SRCIN1: variants seen among roughly 807,000 people sequenced by gnomAD.
SRCIN1 encodes P130Cas-associated protein.
In SRCIN1, 50 loss-of-function variants were observed where a neutral mutation model predicts 116.2. The observed-to-expected ratio is 0.43, with a 90% confidence interval of 0.34 to 0.54. SRCIN1 has a LOEUF of 0.54. SRCIN1 is among the 20% of genes least tolerant of loss of function. The pLI is 0.02. For synonymous variants in SRCIN1, 736 were observed against 750.0 expected (o/e 0.98, Z 0.30); for missense variants, 1,446 against 1,672.0 (o/e 0.86, Z 2.36).
At chr17:38,583,196 A>G (rs897294122) in intron 1 of SRCIN1, among the ~76,000 whole-genome samples, 2 of 152,140 alleles carry the variant, frequency 1.3e-5, no homozygotes, top group Non-Finnish European at 2.9e-5. Context: ...TCTCTTGAGT[A>G]GCTGGGACCA....
Position 38,590,986 on chromosome 17 carries a change from G to C in SRCIN1, c.23-12195C>G, listed in dbSNP as rs1424466760. On this transcript the variant is annotated intron_variant, in intron 1 of 18. Coordinates refer to ENST00000617146, the MANE Select transcript of SRCIN1 (RefSeq NM_025248.3). ...CCTATTCCCCAGGGCTGGAGGAGAG[G>C]GAGGAAGCAGAGCCACCCCCAGATC... Among the ~76,000 whole-genome samples, 3 of 152,334 alleles carry C rather than the reference G, an allele frequency of 2.0e-5. No homozygotes were observed. In the East Asian group the frequency reaches 5.8e-4, roughly 29 times the overall value.
In SRCIN1 at chr17:38,568,099, A is replaced by C; in HGVS notation, c.345+112T>G. ...CCCGAGGCCCACCGCCCATACCAGA[A>C]GGTGTCCGTGCAGATGCGCACCCCG... is the stretch of plus-strand genomic sequence containing the variant. On this transcript the variant is annotated intron_variant, in intron 3 of 18. Coordinates refer to ENST00000617146, the MANE Select transcript of SRCIN1 (RefSeq NM_025248.3). The surrounding 1 kb of genome is among the most constrained non-coding windows in gnomAD (Gnocchi z 4.5). The C allele has an allele frequency of 7.6e-7, 1 of 1,321,922 alleles. No individual in the cohort carries two copies. 81.9% of individuals were successfully genotyped at this position (1,321,922 alleles called of 1,614,324 possible). A position where few individuals can be genotyped will look rare whatever the true frequency, so the allele number is the denominator to read the frequency against.
chr17:38,555,120 C>A (rs1214729282), intron 11 of SRCIN1, among the ~76,000 whole-genome samples: 1 of 152,228 alleles, frequency 6.6e-6, no homozygotes, highest in Non-Finnish European at 1.5e-5. Flanking sequence ...CTTTAATTAA[C>A]CCTCAAAACA....
At chr17:38,539,672 G>C (rs990793024) in intron 18 of SRCIN1, among the ~76,000 whole-genome samples, 7 of 152,124 alleles carry the variant, frequency 4.6e-5, no homozygotes, top group African/African-American at 1.7e-4. Flanking sequence ...GCTCTGAGAT[G>C]TCCATGGGTA....
intron 3 of SRCIN1, among the ~76,000 whole-genome samples, chr17:38,566,866 T>TTTCCTTCCTTCCTTCCTTCC (rs71138633): frequency 0.038 from 5,056 of 131,934 alleles, 131 homozygotes; most frequent in Admixed American, 0.044. Flanking sequence ...TTTTGTTTCG[T>TTTCCTTCCTTCCTTCCTTCC]TTCCTTCCTT....
intron 18 of SRCIN1, among the ~76,000 whole-genome samples, chr17:38,536,714 C>T (rs1904403115): frequency 6.6e-6 from 1 of 152,248 alleles, no homozygotes; most frequent in African/African-American, 2.4e-5. Flanking sequence ...GGTATTGAAC[C>T]ATCAGGAGAA....
rs1046788821 is a variant in SRCIN1, at chr17:38,604,143, G to A, written c.22+1541C>T. Among the ~76,000 whole-genome samples, 1 of 152,134 alleles carries A rather than the reference G, an allele frequency of 6.6e-6. No individual in the cohort carries two copies. Among genetic ancestry groups the A allele is most frequent in the Admixed American group, 6.5e-5 (1 of 15,272 alleles). Reference sequence around the variant, plus strand: ...TTAGACAGCAAAGCAGTTGGCTCAAGGTCACCCAGACCAAGATACCAAGAG... The same window carrying A: ...TTAGACAGCAAAGCAGTTGGCTCAAAGTCACCCAGACCAAGATACCAAGAG... On this transcript the variant is annotated intron_variant, in intron 1 of 18. Transcript: ENST00000617146. This position sits in a 1 kb window ranked among gnomAD's most constrained non-coding sequence, Gnocchi z 4.3.
In SRCIN1 at chr17:38,562,233, G is replaced by C. The variant is rs1173367039; in HGVS notation, c.930C>G (p.Pro310=). The change falls in exon 7 of 19, where the codon CCC becomes CCG. Residue 310 remains proline, a synonymous_variant. Transcript: ENST00000617146. This position sits in a 1 kb window ranked among gnomAD's most constrained non-coding sequence, Gnocchi z 4.2. ...APHLASGSPP[P]GLPSGLPSGL... Reference sequence around the variant, plus strand: ...CGGACGGCAGCCCCGACGGCAGCCCGGGCGGCGGCGAGCCGGATGCCAGGT... The same window carrying C: ...CGGACGGCAGCCCCGACGGCAGCCCCGGCGGCGGCGAGCCGGATGCCAGGT... The C allele has an allele frequency of 2.8e-6, 4 of 1,451,234 alleles. No homozygotes were observed. Among genetic ancestry groups the C allele is most frequent in the East Asian group, 6.0e-5 (2 of 33,402 alleles). The allele number at this position is 1,451,234 out of a possible 1,614,324, so 89.9% of individuals were successfully genotyped here.
In SRCIN1 at chr17:38,548,605, C is replaced by T. The variant is rs750843408; in HGVS notation, c.3222G>A (p.Ser1074=). 1.2e-5 allele frequency: 19 copies of T among 1,612,958 alleles called. No homozygotes were observed. The highest frequency in any genetic ancestry group is 3.3e-5 in the South Asian group (3 of 91,086). ...CCTCGTCATCCTCGTCCTTGATGGC[C>T]GAGGCCATGATGGGTGGTGTGGAGG... ...RPASTPPIMA[S]AIKDEDDEDR... Residue 1074 remains serine, a synonymous_variant, in exon 17 of 19, where the codon TCG becomes TCA. Coordinates refer to ENST00000617146, the MANE Select transcript of SRCIN1 (RefSeq NM_025248.3).
chr17:38,559,549 G>A lies in SRCIN1; in HGVS notation c.2025+36C>T, dbSNP rs1271507923. The A allele has an allele frequency of 2.5e-6, 4 of 1,584,608 alleles. No homozygotes were observed. In the East Asian group the frequency reaches 6.7e-5, roughly 27 times the overall value. The stretch of plus-strand genomic sequence containing the variant: ...GGCAAGGGACTTCTACCAGTAGGTG[G>A]GCGTTGGTGGGGCGGGGCCCAGGAC... On this transcript the variant is annotated intron_variant, in intron 10 of 18. Coordinates refer to ENST00000617146, the MANE Select transcript of SRCIN1 (RefSeq NM_025248.3).
At chr17:38,603,855 A>G (rs958307170) in intron 1 of SRCIN1, among the ~76,000 whole-genome samples, 7 of 152,098 alleles carry the variant, frequency 4.6e-5, no homozygotes, top group African/African-American at 1.7e-4. Flanking sequence ...AGCAACTCTC[A>G]GCTTGCCTGG....
intron 1 of SRCIN1, among the ~76,000 whole-genome samples, chr17:38,601,627 TACACACACACGCACACAC>T (rs1909026867): frequency 7.1e-6 from 1 of 140,052 alleles, no homozygotes; most frequent in Non-Finnish European, 1.6e-5. Context: ...CCTCAACACA[TACACACACACGCACACAC>T]ACACACACGC....
intron 1 of SRCIN1, among the ~76,000 whole-genome samples, chr17:38,587,537 G>T (rs1908179078): frequency 6.6e-6 from 1 of 152,124 alleles, no homozygotes; most frequent in African/African-American, 2.4e-5. Context: ...GACCCAATCT[G>T]CAGGAGCTGA....
intron 18 of SRCIN1, chr17:38,542,410 T>C (rs1159356663): frequency 6.6e-6 from 1 of 152,226 alleles, no homozygotes; most frequent in Non-Finnish European, 1.5e-5. Context: ...CCTTCCTCAG[T>C]GTGGTGAGTG....
intron 11 of SRCIN1, among the ~76,000 whole-genome samples, chr17:38,555,038 C>T (rs1034402631): frequency 3.3e-5 from 5 of 152,190 alleles, no homozygotes; most frequent in Admixed American, 1.3e-4. Flanking sequence ...GCAACACTAC[C>T]AGTTAAAGAG....
At chr17:38,606,039 G>A (rs1446687936), upstream of SRCIN1, 7 of 144,532 alleles carry the variant, frequency 4.8e-5, no homozygotes, top group Non-Finnish European at 9.2e-5. This position sits in a 1 kb window ranked among gnomAD's most constrained non-coding sequence, Gnocchi z 5.2. Flanking sequence ...ACTTACAAAG[G>A]GCCGCCCGGG....
chr17:38,583,558 T>G (rs907555574), intron 1 of SRCIN1, among the ~76,000 whole-genome samples: 1 of 148,094 alleles, frequency 6.8e-6, no homozygotes, highest in South Asian at 2.2e-4. Flanking sequence ...GTTTTTTTTT[T>G]TTTTTTTTTT....
chr17:38,586,288 AGCGTGGG>A (rs1908109961), intron 1 of SRCIN1, among the ~76,000 whole-genome samples: 3 of 152,174 alleles, frequency 2.0e-5, no homozygotes, highest in African/African-American at 7.2e-5. Context: ...CCATCCCCCC[AGCGTGGG>A]CCCTGCCCAC....
chr17:38,538,871 G>A (rs1398188046), intron 18 of SRCIN1, among the ~76,000 whole-genome samples: 2 of 152,010 alleles, frequency 1.3e-5, no homozygotes, highest in African/African-American at 4.8e-5. Context: ...GACCCTAATC[G>A]CATATCTCTC....
Sources: gnomAD v4.1 joint callset for allele counts (sites outside exome capture counted in the v4.1 genomes callset) on GRCh38, gnomAD v4.1.1 for gene constraint, Gnocchi (gnomAD v3.1) non-coding constraint, MANE v1.5 for transcripts, NCBI Gene and HGNC (gene_info 2026-07-23, HGNC 2026-07-21) for gene names.